TIMM21: variants seen among roughly 807,000 people sequenced by gnomAD.
TIMM21 encodes the protein translocase of inner mitochondrial membrane 21.
In TIMM21, 30 loss-of-function variants were observed where a neutral mutation model predicts 27.7. The observed-to-expected ratio is 1.08, with a 90% confidence interval of 0.81 to 1.47. The LOEUF (loss-of-function observed/expected upper bound fraction) is 1.47. TIMM21 is among the 40% of genes most tolerant of loss of function. The pLI, the probability that TIMM21 is intolerant of heterozygous loss-of-function variation, is 0.00. For missense variants in TIMM21, 292 were observed against 302.9 expected, an observed-to-expected ratio of 0.96 and a Z score of 0.27; for synonymous variants, 121 against 114.4, an observed-to-expected ratio of 1.06 and a Z score of -0.37.
At chr18:74,154,408 C>A (rs559184280) in intron 1 of TIMM21, among the ~76,000 whole-genome samples, 2 of 152,158 alleles carry the variant, frequency 1.3e-5, no homozygotes, top group African/African-American at 4.8e-5. Flanking sequence ...ACTACAGGCG[C>A]CCGCCACTGC....
chr18:74,154,529 G>C (rs1979897602), intron 1 of TIMM21, among the ~76,000 whole-genome samples: 1 of 151,414 alleles, frequency 6.6e-6, no homozygotes, highest in African/African-American at 2.4e-5. Flanking sequence ...CCAAAGTGCT[G>C]GGATTACAGG....
Position 74,148,698 on chromosome 18 carries a change from G to GTAAT in TIMM21, c.-110_-107dup, listed in dbSNP as rs1979678509. 1 of 1,116,552 alleles carries GTAAT rather than the reference G, an allele frequency of 9.0e-7. No individual in the cohort carries two copies. The highest frequency in any genetic ancestry group is 1.6e-5 in the African/African-American group (1 of 64,054). The allele number at this position is 1,116,552 out of a possible 1,614,324, so 69.2% of individuals were successfully genotyped here. On this transcript the variant is annotated 5_prime_UTR_variant, in exon 1 of 6. It adds an upstream start codon to the 5' untranslated region. Coordinates refer to ENST00000169551, the MANE Select transcript of TIMM21 (RefSeq NM_014177.3). ...CTGACGTTTTTGCCTAACACCCCAT[G>GTAAT]TAATGTAAACGTATAGGCTTGAGTA...
At chr18:74,153,725 A>C (rs2121916478) in intron 1 of TIMM21, among the ~76,000 whole-genome samples, 1 of 152,376 alleles carries the variant, frequency 6.6e-6, no homozygotes, top group East Asian at 1.9e-4. Context: ...GATACGCTAA[A>C]GACTACTTTT....
Position 74,159,679 on chromosome 18 carries a change from C to T in TIMM21, c.*1199C>T, listed in dbSNP as rs1157990985. ...TAAGGAGTATAGAAAATATAACAGACACTCGTCTCCCTGACGTAACACACT... is the reference window on the plus strand; with the variant it reads ...TAAGGAGTATAGAAAATATAACAGATACTCGTCTCCCTGACGTAACACACT... On this transcript the variant is annotated 3_prime_UTR_variant, in exon 6 of 6. Transcript: ENST00000169551. 1 of 152,182 alleles carries T rather than the reference C, an allele frequency of 6.6e-6. No individual in the cohort carries two copies. The highest frequency in any genetic ancestry group is 2.4e-5 in the African/African-American group (1 of 41,444). 9.4% of individuals were successfully genotyped at this position (152,182 alleles called of 1,614,324 possible).
At position 74,158,687 on chromosome 18, in the gene TIMM21, C is replaced by T; in HGVS notation, c.*207C>T. 1 of 467,702 alleles carries T rather than the reference C, an allele frequency of 2.1e-6. No individual in the cohort carries two copies. The allele number at this position is 467,702 out of a possible 1,614,324, so 29.0% of individuals were successfully genotyped here. ...AGCATATTTTATGTTCTCCCATTGACTCAATCATGACAATATTTCTGCTTT... is the reference window on the plus strand; with the variant it reads ...AGCATATTTTATGTTCTCCCATTGATTCAATCATGACAATATTTCTGCTTT... On this transcript the variant is annotated 3_prime_UTR_variant, in exon 6 of 6. Transcript: ENST00000169551.
chr18:74,149,727 T>C (rs1467356134), intron 1 of TIMM21, among the ~76,000 whole-genome samples: 1 of 152,176 alleles, frequency 6.6e-6, no homozygotes, highest in East Asian at 1.9e-4. Flanking sequence ...TGTTTTAGAG[T>C]CTGCTGACTA....
chr18:74,150,861 G>C (rs1979782267), intron 1 of TIMM21, among the ~76,000 whole-genome samples: 1 of 152,154 alleles, frequency 6.6e-6, no homozygotes, highest in African/African-American at 2.4e-5. Flanking sequence ...CCATAGATGT[G>C]ATATCATTTT....
In TIMM21 at chr18:74,148,687, T is replaced by C; in HGVS notation, c.-122T>C. The C allele has an allele frequency of 9.9e-7, 1 of 1,012,114 alleles. No homozygotes were observed. Among genetic ancestry groups the C allele is most frequent in the Non-Finnish European group, 1.4e-6 (1 of 691,234 alleles). The allele number at this position is 1,012,114 out of a possible 1,614,324, so 62.7% of individuals were successfully genotyped here. The stretch of plus-strand genomic sequence containing the variant: ...CGCTGCGGAAACTGACGTTTTTGCC[T>C]AACACCCCATGTAATGTAAACGTAT... On this transcript the variant is annotated 5_prime_UTR_variant, in exon 1 of 6. Coordinates refer to ENST00000169551, the MANE Select transcript of TIMM21 (RefSeq NM_014177.3).
Position 74,148,960 on chromosome 18 carries a change from C to T in TIMM21, c.152C>T (p.Thr51Met), listed in dbSNP as rs148630515. ...LRCGLQYQKK[T>M]LRPRCILGVT... ...TGTGGGCTTCAATATCAAAAGAAAA[C>T]GCTGCGACCTAGATGTATTCTTGGA... is the stretch of plus-strand genomic sequence containing the variant. The change falls in exon 1 of 6, where the codon ACG becomes ATG. Residue 51 changes from threonine (T) to methionine (M), a missense_variant. Physicochemically the swap from Thr to Met is moderately conservative, Grantham distance 81 (BLOSUM62 -1). Transcript: ENST00000169551. 137 of 1,613,996 alleles carry T rather than the reference C, an allele frequency of 8.5e-5. No individual in the cohort carries two copies. Among genetic ancestry groups the T allele is most frequent in the Non-Finnish European group, 1.1e-4 (132 of 1,180,046 alleles).
Position 74,149,021 on chromosome 18 carries a change from C to T in TIMM21, c.213C>T (p.Ser71=). The change falls in exon 1 of 6, where the codon AGC becomes AGT. Residue 71 remains serine (S), a synonymous_variant. Coordinates refer to ENST00000169551, the MANE Select transcript of TIMM21 (RefSeq NM_014177.3). ...TQKTIWTQGP[S]PRKAKEDGSK... ...AAACCATCTGGACGCAGGGACCGAG[C>T]CCCCGAAAAGCAAAGGAGGATGGCA... The T allele has an allele frequency of 1.2e-6, 2 of 1,614,082 alleles. No individual in the cohort carries two copies. The highest frequency in any genetic ancestry group is 1.7e-5 in the Admixed American group (1 of 60,014).
At position 74,149,041 on chromosome 18, in the gene TIMM21, A is replaced by G; in HGVS notation, c.233A>G (p.Asp78Gly). 6.2e-7 allele frequency: 1 copy of G among 1,614,122 alleles called. No homozygotes were observed. Among genetic ancestry groups the G allele is most frequent in the Non-Finnish European group, 8.5e-7 (1 of 1,180,032 alleles). The change falls in exon 1 of 6, where the codon GAT (aspartate) becomes GGT (glycine). Residue 78 changes from aspartate to glycine, a missense_variant. Transcript: ENST00000169551. ...QGPSPRKAKE[D>G]GSKQVSVHRS... ...CCGAGCCCCCGAAAAGCAAAGGAGG[A>G]TGGCAGCAAACAAGTGTCTGTGCAC...
Position 74,158,460 on chromosome 18 carries a change from A to C in TIMM21, c.727A>C (p.Asn243His). 6.3e-7 allele frequency: 1 copy of C among 1,596,272 alleles called. No homozygotes were observed. Among genetic ancestry groups the C allele is most frequent in the Non-Finnish European group, 8.6e-7 (1 of 1,165,192 alleles). Residue 243 changes from asparagine (N) to histidine (H), a missense_variant, in exon 6 of 6, where the codon AAT (asparagine) becomes CAT (histidine). Transcript: ENST00000169551. ...TAGAAGAACTATTATCATTGAAGAT[A>C]ATCGATCCCAAGATGATTAAAATAG... ...YPRRTIIIED[N>H]RSQDD
At chr18:74,157,786 G>A (rs529588416) in intron 3 of TIMM21, 10 of 521,170 alleles carry the variant, frequency 1.9e-5, no homozygotes, top group South Asian at 7.7e-5. Context: ...TAGTAGAGAC[G>A]GGGTTTCACC....
At chr18:74,153,004 C>T (rs1979853528) in intron 1 of TIMM21, among the ~76,000 whole-genome samples, 1 of 152,222 alleles carries the variant, frequency 6.6e-6, no homozygotes, top group South Asian at 2.1e-4. Context: ...AGGAAGCTCT[C>T]TTATGATGGA....
Position 74,158,394 on chromosome 18 carries a change from T to C in TIMM21, c.661T>C (p.Tyr221His). The change falls in exon 6 of 6, where the codon TAT (tyrosine) becomes CAT (histidine). Residue 221 changes from tyrosine (Y) to histidine (H), a missense_variant. Transcript: ENST00000169551. ...TTTTCAGAACCCAGGAAGTGGTGAATATGATTTTCGATATATATTTGTAGA... is the reference window on the plus strand; with the variant it reads ...TTTTCAGAACCCAGGAAGTGGTGAACATGATTTTCGATATATATTTGTAGA... ...QVKENPGSGE[Y>H]DFRYIFVEIE... 6.2e-7 allele frequency: 1 copy of C among 1,607,410 alleles called. No homozygotes were observed. The highest frequency in any genetic ancestry group is 8.5e-7 in the Non-Finnish European group (1 of 1,175,702).
rs1355159651 is a variant in TIMM21 at position 74,152,540 on chromosome 18, T to C, written c.302-2605T>C. ...ATAACACATCAGCCAGTACATTCCCTTCCGCCAGCATTCCATCCCAGGTCC... is the reference window on the plus strand; with the variant it reads ...ATAACACATCAGCCAGTACATTCCCCTCCGCCAGCATTCCATCCCAGGTCC... On this transcript the variant is annotated intron_variant, in intron 1 of 5. Transcript: ENST00000169551. The surrounding 1 kb of genome is among the most constrained non-coding windows in gnomAD (Gnocchi z 4.1). 6.6e-6 allele frequency among the ~76,000 whole-genome samples: 1 copy of C among 152,178 alleles called. No individual in the cohort carries two copies. Among genetic ancestry groups the C allele is most frequent in the Non-Finnish European group, 1.5e-5 (1 of 68,028 alleles).
intron 1 of TIMM21, among the ~76,000 whole-genome samples, chr18:74,149,549 A>AT (rs60605024): frequency 0.088 from 13,273 of 151,554 alleles, 1,070 homozygotes; most frequent in African/African-American, 0.21. Context: ...ATATTTTAAG[A>AT]TTTTTTTTTA....
rs577612493 is a variant in TIMM21, at chr18:74,152,475, A to G, written c.302-2670A>G. Reference sequence around the variant, plus strand: ...ATGGCCCCAGCCACAGCCGTCTGATATAAGTCCTTAAAATTGCTGATTCCT... The same window carrying G: ...ATGGCCCCAGCCACAGCCGTCTGATGTAAGTCCTTAAAATTGCTGATTCCT... On this transcript the variant is annotated intron_variant, in intron 1 of 5. Coordinates refer to ENST00000169551, the MANE Select transcript of TIMM21 (RefSeq NM_014177.3). The surrounding 1 kb of genome is among the most constrained non-coding windows in gnomAD (Gnocchi z 4.1). 1.3e-4 allele frequency among the ~76,000 whole-genome samples: 20 copies of G among 152,262 alleles called. No individual in the cohort carries two copies. The highest frequency in any genetic ancestry group is 4.6e-4 in the African/African-American group (19 of 41,554).
At chr18:74,156,361 C>T (rs978016916) in intron 3 of TIMM21, 7 of 392,962 alleles carry the variant, frequency 1.8e-5, no homozygotes, top group East Asian at 3.6e-5. Context: ...CCTGGGGCCC[C>T]GGCTCTGAAT....
Sources: gnomAD v4.1 joint callset for allele counts (sites outside exome capture counted in the v4.1 genomes callset) on GRCh38, gnomAD v4.1.1 for gene constraint, Gnocchi (gnomAD v3.1) non-coding constraint, MANE v1.5 for transcripts, NCBI Gene and HGNC (gene_info 2026-07-23, HGNC 2026-07-21) for gene names.